The following CCNYL1 variants were observed in gnomAD, a reference collection of about 807,000 sequenced individuals.
The protein encoded by CCNYL1 is cyclin Y like 1.
Under a neutral mutation model 44.2 loss-of-function variants are expected in CCNYL1, and 16 were observed. The ratio of observed to expected loss-of-function variants is 0.36; its 90% CI spans 0.25 to 0.55. The LOEUF is 0.55. Among genes scored for constraint, CCNYL1 ranks in the 20% least tolerant of loss-of-function variants. CCNYL1 has a pLI of 0.85. For synonymous variants in CCNYL1, 159 were observed against 163.2 expected, an observed-to-expected ratio of 0.97 and a Z score of 0.20; for missense variants, 348 against 451.8, an observed-to-expected ratio of 0.77 and a Z score of 2.08.
intron 1 of CCNYL1, among the ~76,000 whole-genome samples, chr2:207,719,650 A>G (rs1021148977): frequency 6.6e-6 from 1 of 152,186 alleles, no homozygotes; most frequent in East Asian, 1.9e-4. Flanking sequence ...ATTTTGAGTT[A>G]GGTAGTATAA....
chr2:207,731,323 C>T (rs143928220), intron 3 of CCNYL1, among the ~76,000 whole-genome samples: 2 of 152,270 alleles, frequency 1.3e-5, no homozygotes, highest in East Asian at 3.9e-4. Context: ...AGTTGTGACT[C>T]AGTAGATTAC....
At chr2:207,722,077 T>G (rs1044580931) in intron 1 of CCNYL1, among the ~76,000 whole-genome samples, 9 of 150,832 alleles carry the variant, frequency 6.0e-5, no homozygotes, top group Non-Finnish European at 1.3e-4. Flanking sequence ...CCTTGGATTT[T>G]TTTTTTTTTT....
At chr2:207,744,207 C>T (rs1351632295) in intron 7 of CCNYL1, among the ~76,000 whole-genome samples, 2 of 150,768 alleles carry the variant, frequency 1.3e-5, no homozygotes, top group African/African-American at 4.9e-5. Context: ...CAGACAAGTG[C>T]CAAGACTAGA....
At position 207,711,830 on chromosome 2, in the gene CCNYL1, G is replaced by A. The variant is rs2105813034; in HGVS notation, c.-67G>A. ...GGCCGCGCCATTGTTGGGGGAGGGGGCGGCTGTTGAGGGCGGCGGAGTAGG... is the reference window on the plus strand; with the variant it reads ...GGCCGCGCCATTGTTGGGGGAGGGGACGGCTGTTGAGGGCGGCGGAGTAGG... On this transcript the variant is annotated 5_prime_UTR_variant, in exon 1 of 10. Transcript: ENST00000295414. 4 of 1,110,448 alleles carry A rather than the reference G, an allele frequency of 3.6e-6. No individual in the cohort carries two copies. The highest frequency in any genetic ancestry group is 4.8e-6 in the Non-Finnish European group (4 of 841,838). 68.8% of individuals were successfully genotyped at this position (1,110,448 alleles called of 1,614,324 possible).
chr2:207,735,034 T>C (rs1406888535), intron 4 of CCNYL1, among the ~76,000 whole-genome samples: 1 of 152,216 alleles, frequency 6.6e-6, no homozygotes, highest in Non-Finnish European at 1.5e-5. Flanking sequence ...CTGGCTTCTT[T>C]TGAATTCAAA....
rs768138283 is a variant in CCNYL1, at chr2:207,740,691, A to G, written c.504A>G (p.Arg168=). ...GATCCCTGGATATTTTTGATGAGAGATCACATCCACTTACAGTAAGTGTCA... is the reference window on the plus strand; with the variant it reads ...GATCCCTGGATATTTTTGATGAGAGGTCACATCCACTTACAGTAAGTGTCA... ...ANRSLDIFDE[R]SHPLTREKVP... Residue 168 remains arginine (R), a synonymous_variant, in exon 6 of 10, where the codon AGA becomes AGG. Coordinates refer to ENST00000295414, the MANE Select transcript of CCNYL1 (RefSeq NM_001330218.2). 16 of 1,603,642 alleles carry G rather than the reference A, an allele frequency of 1.0e-5. No individual in the cohort carries two copies. The highest frequency in any genetic ancestry group is 1.3e-5 in the Non-Finnish European group (15 of 1,171,088).
chr2:207,735,214 C>G lies in CCNYL1; in HGVS notation c.431+1167C>G, dbSNP rs2091755839. ...GTTCTCAGTAAGTTTTAGAAATGATCATTTGGTATATTTCACTACTGGTTA... is the reference window on the plus strand; with the variant it reads ...GTTCTCAGTAAGTTTTAGAAATGATGATTTGGTATATTTCACTACTGGTTA... On this transcript the variant is annotated intron_variant, in intron 4 of 9. Coordinates refer to ENST00000295414, the MANE Select transcript of CCNYL1 (RefSeq NM_001330218.2). Among the ~76,000 whole-genome samples the G allele has an allele frequency of 2.0e-5, 3 of 152,128 alleles. No individual in the cohort carries two copies. In the South Asian group the frequency reaches 6.2e-4, roughly 32 times the overall value.
At chr2:207,737,657 T>G (rs2091775754) in intron 5 of CCNYL1, among the ~76,000 whole-genome samples, 1 of 151,940 alleles carries the variant, frequency 6.6e-6, no homozygotes, top group South Asian at 2.1e-4. Context: ...TTGGTTATAT[T>G]GATATTTATT....
chr2:207,748,384 T>G (rs1357460858), intron 8 of CCNYL1, among the ~76,000 whole-genome samples: 6 of 152,112 alleles, frequency 3.9e-5, no homozygotes, highest in Non-Finnish European at 4.4e-5. Flanking sequence ...GTCATGGAGT[T>G]CCTCACAGAT....
chr2:207,722,126 G>A (rs149045162), intron 1 of CCNYL1, among the ~76,000 whole-genome samples: 10 of 151,158 alleles, frequency 6.6e-5, no homozygotes, highest in Non-Finnish European at 1.2e-4. Flanking sequence ...AGGCTGGGGG[G>A]CAGTGGTGTG....
In CCNYL1 at chr2:207,711,830, G is replaced by T; in HGVS notation, c.-67G>T. 1 of 1,110,448 alleles carries T rather than the reference G, an allele frequency of 9.0e-7. No individual in the cohort carries two copies. Among genetic ancestry groups the T allele is most frequent in the East Asian group, 3.2e-5 (1 of 30,896 alleles). The allele number at this position is 1,110,448 out of a possible 1,614,324, so 68.8% of individuals were successfully genotyped here. ...GGCCGCGCCATTGTTGGGGGAGGGG[G>T]CGGCTGTTGAGGGCGGCGGAGTAGG... On this transcript the variant is annotated 5_prime_UTR_variant, in exon 1 of 10. Coordinates refer to ENST00000295414, the MANE Select transcript of CCNYL1 (RefSeq NM_001330218.2).
chr2:207,736,843 C>A (rs1000296587), intron 4 of CCNYL1, among the ~76,000 whole-genome samples: 53 of 150,762 alleles, frequency 3.5e-4, no homozygotes, highest in African/African-American at 1.3e-3. Context: ...GGCAGAAGAG[C>A]AAATGGGGAT....
intron 1 of CCNYL1, among the ~76,000 whole-genome samples, chr2:207,719,302 C>CTTTT (rs11412847): frequency 3.8e-5 from 5 of 133,056 alleles, no homozygotes; most frequent in Non-Finnish European, 4.7e-5. Context: ...ATAGCAATTG[C>CTTTT]TTTTTTTTTT....
intron 3 of CCNYL1, among the ~76,000 whole-genome samples, chr2:207,730,955 A>T (rs116131202): frequency 0.011 from 1,722 of 152,240 alleles, 28 homozygotes; most frequent in African/African-American, 0.04. Flanking sequence ...TAGAACCTTT[A>T]TTTAAAGTGT....
At chr2:207,712,457 T>G (rs1329032812) in intron 1 of CCNYL1, among the ~76,000 whole-genome samples, 1 of 152,162 alleles carries the variant, frequency 6.6e-6, no homozygotes, top group Non-Finnish European at 1.5e-5. Flanking sequence ...GTTTTCCTTT[T>G]CTCAATGGAA....
In CCNYL1 at chr2:207,733,972, A is replaced by G. The variant is rs1250659275; in HGVS notation, c.356A>G (p.Lys119Arg). 3.1e-6 allele frequency: 5 copies of G among 1,612,974 alleles called. No individual in the cohort carries two copies. The highest frequency in any genetic ancestry group is 4.2e-6 in the Non-Finnish European group (5 of 1,179,054). ...NHVSPGQLTKKYSSCSTIFLD... is the reference protein window; with the variant it reads ...NHVSPGQLTKRYSSCSTIFLD... ...GTATCTCCAGGGCAGCTTACTAAAA[A>G]GTATAGCTCATGCTCAACAATATTT... Residue 119 changes from lysine (K) to arginine (R), a missense_variant, in exon 4 of 10, where the codon AAG becomes AGG. Physicochemically the swap from Lys to Arg is conservative, Grantham distance 26 (BLOSUM62 2). Transcript: ENST00000295414.
intron 8 of CCNYL1, among the ~76,000 whole-genome samples, chr2:207,748,379 G>A (rs62189200): frequency 0.011 from 1,648 of 152,290 alleles, 19 homozygotes; most frequent in Middle Eastern, 0.041. Flanking sequence ...GCTGAGTCAT[G>A]GAGTTCCTCA....
intron 3 of CCNYL1, among the ~76,000 whole-genome samples, chr2:207,730,907 A>G (rs1461462820): frequency 6.6e-6 from 1 of 152,202 alleles, no homozygotes; most frequent in Non-Finnish European, 1.5e-5. Flanking sequence ...GGGCAAGGAA[A>G]TAAATTTATG....
chr2:207,734,472 T>C (rs1361501950), intron 4 of CCNYL1, among the ~76,000 whole-genome samples: 1 of 152,242 alleles, frequency 6.6e-6, no homozygotes, highest in Non-Finnish European at 1.5e-5. Context: ...GGCACCATAG[T>C]GTATCTGCAT....
Sources: allele counts gnomAD v4.1 joint callset (sites outside exome capture counted in the v4.1 genomes callset), GRCh38; gene constraint gnomAD v4.1.1; transcripts MANE v1.5; gene names NCBI Gene and HGNC (gene_info 2026-07-23, HGNC 2026-07-21).